The following RFX3 variants were observed in gnomAD, a reference collection of about 807,000 sequenced individuals.
RFX3 encodes the protein regulatory factor X3.
A neutral mutation model predicts 98.6 loss-of-function variants in RFX3; 14 were observed. The observed-to-expected ratio is 0.14, with a 90% confidence interval of 0.09 to 0.22. The LOEUF (loss-of-function observed/expected upper bound fraction) is 0.22. Ranked by LOEUF, RFX3 falls within the 10% of genes least tolerant of loss-of-function variation. The pLI is 1.00. For synonymous variants in RFX3, 383 were observed against 328.4 expected (o/e 1.17, Z -1.80); for missense variants, 639 against 926.9 (o/e 0.69, Z 4.03).
Position 3,277,408 on chromosome 9 carries a change from C to T in RFX3, c.905G>A (p.Gly302Asp). The T allele has an allele frequency of 6.2e-7, 1 of 1,611,862 alleles. No homozygotes were observed. The highest frequency in any genetic ancestry group is 8.5e-7 in the Non-Finnish European group (1 of 1,178,206). The stretch of plus-strand genomic sequence containing the variant: ...CTCAACAGATGTGCCTGTCTGTTGA[C>T]CACTTCCTGTGAAACCATCTGCAAC... ...DGVADGFTGS[G>D]QQTGTSVEQT... The change falls in exon 8 of 17, where the codon GGT (glycine) becomes GAT (aspartate). Residue 302 changes from glycine to aspartate, a missense_variant. This residue lies in a region of RFX3 where 86 missense variants were observed against 113.2 expected (regional missense o/e 0.76). Coordinates refer to ENST00000617270, the MANE Select transcript of RFX3 (RefSeq NM_001282116.2).
intron 1 of RFX3, among the ~76,000 whole-genome samples, chr9:3,486,481 A>G (rs1025926647): frequency 2.0e-5 from 3 of 152,164 alleles, no homozygotes; most frequent in African/African-American, 7.2e-5. Flanking sequence ...CATGGCTCCA[A>G]TCTTTTCTCA....
chr9:3,463,980 A>T (rs1847964507), intron 1 of RFX3, among the ~76,000 whole-genome samples: 1 of 152,138 alleles, frequency 6.6e-6, no homozygotes, highest in East Asian at 1.9e-4. Context: ...AAAATAGGGA[A>T]ATGGTTTGGA....
chr9:3,433,389 T>A (rs952009691), intron 1 of RFX3, among the ~76,000 whole-genome samples: 1 of 152,218 alleles, frequency 6.6e-6, no homozygotes, highest in Non-Finnish European at 1.5e-5. Context: ...ATAGTAAATA[T>A]ATTTTTTCTT....
chr9:3,281,235 T>G (rs927544173), intron 7 of RFX3, among the ~76,000 whole-genome samples: 1 of 151,664 alleles, frequency 6.6e-6, no homozygotes, highest in African/African-American at 2.4e-5. Flanking sequence ...CATTATAGCA[T>G]TGAAACATGA....
At chr9:3,501,925 A>G (rs1440480768) in intron 1 of RFX3, among the ~76,000 whole-genome samples, 1 of 151,774 alleles carries the variant, frequency 6.6e-6, no homozygotes, top group East Asian at 1.9e-4. Flanking sequence ...TATAAGAGTA[A>G]CCTCAGTTAA....
intron 4 of RFX3, among the ~76,000 whole-genome samples, chr9:3,307,345 T>C (rs1248463311): frequency 6.6e-6 from 1 of 152,108 alleles, no homozygotes. Flanking sequence ...TGTGGGCCAC[T>C]GTTAAAAAGT....
intron 2 of RFX3, among the ~76,000 whole-genome samples, chr9:3,357,530 T>G (rs755098972): frequency 9.9e-5 from 15 of 151,990 alleles, no homozygotes; most frequent in Non-Finnish European, 2.1e-4. Flanking sequence ...GAAAGCAGTA[T>G]TTAAAGAGAA....
chr9:3,343,112 AATG>A (rs1834073904), intron 3 of RFX3, among the ~76,000 whole-genome samples: 1 of 152,204 alleles, frequency 6.6e-6, no homozygotes, highest in South Asian at 2.1e-4. Context: ...ATCAAATTAT[AATG>A]ATTACACATA....
intron 9 of RFX3, 151 bp downstream of exon 9, chr9:3,275,349 A>G (rs1825068851): frequency 8.4e-6 from 4 of 473,984 alleles, no homozygotes; most frequent in Non-Finnish European, 1.1e-5. Flanking sequence ...GACCAGAAAG[A>G]AGAAAAATGA....
intron 2 of RFX3, among the ~76,000 whole-genome samples, chr9:3,349,011 G>C (rs1032109938): frequency 3.9e-5 from 6 of 152,080 alleles, no homozygotes; most frequent in African/African-American, 1.2e-4. Flanking sequence ...ATTAATGCTT[G>C]CTGCTAGGAT....
intron 12 of RFX3, among the ~76,000 whole-genome samples, chr9:3,264,217 C>A (rs1197222848): frequency 6.6e-6 from 1 of 152,176 alleles, no homozygotes; most frequent in Non-Finnish European, 1.5e-5. Context: ...AAAATGTCTA[C>A]ATGAAATCTA....
chr9:3,228,710 A>C lies in RFX3; in HGVS notation c.2011+137T>G, dbSNP rs73642615. On this transcript the variant is annotated intron_variant, in intron 16 of 16. Transcript: ENST00000617270. ...AAAAATGGAGAAATAATGAAAAGAC[A>C]GGAGTTTCCTATTTATCTAGGATTT... 0.011 allele frequency: 6,678 copies of C among 606,866 alleles called. 348 individuals carry two copies. The African/African-American group carries it at 0.11, about 10-fold the overall frequency. 37.6% of individuals were successfully genotyped at this position (606,866 alleles called of 1,614,324 possible). A position where few individuals can be genotyped will look rare whatever the true frequency, so the allele number is the denominator to read the frequency against.
chr9:3,423,898 AGCACTCTGGGAGGC>A (rs1240899232), intron 1 of RFX3, among the ~76,000 whole-genome samples: 1 of 150,840 alleles, frequency 6.6e-6, no homozygotes, highest in Non-Finnish European at 1.5e-5. Context: ...CTGTAATCCC[AGCACTCTGGGAGGC>A]CGAGGCGGGG....
At position 3,463,099 on chromosome 9, in the gene RFX3, CAA is replaced by C. The variant is rs143367665; in HGVS notation, c.-9+62646_-9+62647del. Among the ~76,000 whole-genome samples the C allele has an allele frequency of 3.4e-3, 511 of 151,812 alleles. 25 individuals carry two copies. The East Asian group carries it at 0.065, about 19-fold the overall frequency. On this transcript the variant is annotated intron_variant, in intron 1 of 16. Coordinates refer to ENST00000617270, the MANE Select transcript of RFX3 (RefSeq NM_001282116.2). ...AGGTAACCAAAACACTTTTGAAACA[CAA>C]GAGAAAGTGGGAGGGATTATATATT...
Position 3,224,895 on chromosome 9 carries a change from C to T in RFX3, c.*147G>A, listed in dbSNP as rs1401110596. ...AAAAAAAGATCTGGCAAAATACATACACCCATTCCATTTCACAACTCCAAA... is the reference window on the plus strand; with the variant it reads ...AAAAAAAGATCTGGCAAAATACATATACCCATTCCATTTCACAACTCCAAA... On this transcript the variant is annotated 3_prime_UTR_variant, in exon 17 of 17. Coordinates refer to ENST00000617270, the MANE Select transcript of RFX3 (RefSeq NM_001282116.2). 7 of 735,306 alleles carry T rather than the reference C, an allele frequency of 9.5e-6. No homozygotes were observed. Among genetic ancestry groups the T allele is most frequent in the Non-Finnish European group, 1.6e-5 (7 of 442,956 alleles). 45.5% of individuals were successfully genotyped at this position (735,306 alleles called of 1,614,324 possible).
chr9:3,401,624 T>C (rs1841476768), intron 1 of RFX3, among the ~76,000 whole-genome samples: 2 of 152,230 alleles, frequency 1.3e-5, no homozygotes, highest in Non-Finnish European at 2.9e-5. Flanking sequence ...AGCCCATATG[T>C]AAATGAGTTG....
chr9:3,467,218 TA>T (rs202223586), intron 1 of RFX3, among the ~76,000 whole-genome samples: 2,796 of 144,268 alleles, frequency 0.019, 97 homozygotes, highest in African/African-American at 0.068. Context: ...TATACATATA[TA>T]ATGTATATAT....
Position 3,346,739 on chromosome 9 carries a change from T to G in RFX3, c.143A>C (p.Gln48Pro). 1 of 1,613,432 alleles carries G rather than the reference T, an allele frequency of 6.2e-7. No homozygotes were observed. The highest frequency in any genetic ancestry group is 8.5e-7 in the Non-Finnish European group (1 of 1,179,402). ...CTGAGCGGGATAGACATGTTGTACC[T>G]GCTGCACAGTCTGTACCTGCTGTAC... is the stretch of plus-strand genomic sequence containing the variant. ...QQVQQVQTVQ[Q>P]VQHVYPAQVQ... Residue 48 changes from glutamine to proline, a missense_variant, in exon 3 of 17, where the codon CAG (glutamine) becomes CCG (proline). Gln to Pro is a moderately conservative substitution (Grantham distance 76, BLOSUM62 -1). Around this residue, in one of 9 missense-constraint regions of RFX3, gnomAD observed 210 missense variants for 197.7 expected, o/e 1.06. Transcript: ENST00000617270.
chr9:3,346,567 T>C (rs1031417882), intron 3 of RFX3, 100 bp downstream of exon 3: 2 of 763,488 alleles, frequency 2.6e-6, no homozygotes, highest in African/African-American at 1.7e-5. Flanking sequence ...AAAATTACTT[T>C]GAAAACAAGG....
Sources: gnomAD v4.1 joint callset for allele counts (sites outside exome capture counted in the v4.1 genomes callset) on GRCh38, gnomAD v4.1.1 for gene constraint, gnomAD v4.1.1 regional missense constraint, MANE v1.5 for transcripts, NCBI Gene and HGNC (gene_info 2026-07-23, HGNC 2026-07-21) for gene names.